The following GRIK4 variants were observed in gnomAD, a reference collection of about 807,000 sequenced individuals.
The protein encoded by GRIK4 is glutamate ionotropic receptor kainate type subunit 4.
A neutral mutation model predicts 104.9 loss-of-function variants in GRIK4; 40 were observed. The ratio of observed to expected loss-of-function variants is 0.38; its 90% CI spans 0.30 to 0.50. GRIK4 has a LOEUF of 0.50. GRIK4 is among the 20% of genes least tolerant of loss of function. GRIK4 has a pLI of 0.93. For synonymous variants in GRIK4, 485 were observed against 524.9 expected (o/e 0.92, Z 1.04); for missense variants, 1,047 against 1,308.1 (o/e 0.80, Z 3.08).
intron 1 of GRIK4, among the ~76,000 whole-genome samples, chr11:120,617,042 G>T (rs1949126321): frequency 6.6e-6 from 1 of 152,218 alleles, no homozygotes; most frequent in African/African-American, 2.4e-5. Flanking sequence ...TAGGACAGGG[G>T]TTCTCCTGGG....
At chr11:120,762,701 G>A (rs1951770994) in intron 3 of GRIK4, among the ~76,000 whole-genome samples, 1 of 152,124 alleles carries the variant, frequency 6.6e-6, no homozygotes, top group South Asian at 2.1e-4. Context: ...ATAATCATGT[G>A]GTTTTTGTCA....
At chr11:120,927,509 G>A (rs1451450573) in intron 13 of GRIK4, among the ~76,000 whole-genome samples, 1 of 141,738 alleles carries the variant, frequency 7.1e-6, no homozygotes, top group Non-Finnish European at 1.5e-5. Flanking sequence ...GGAGGTTGCA[G>A]TGAACCACAT....
chr11:120,746,529 C>T (rs1951441262), intron 3 of GRIK4, among the ~76,000 whole-genome samples: 5 of 152,156 alleles, frequency 3.3e-5, no homozygotes, highest in Admixed American at 3.3e-4. Context: ...GGGGAGGGCT[C>T]TGTGCCCTCA....
intron 8 of GRIK4, among the ~76,000 whole-genome samples, chr11:120,845,709 C>A (rs868754279): frequency 1.3e-5 from 2 of 152,000 alleles, no homozygotes; most frequent in Non-Finnish European, 2.9e-5. Context: ...ATCAGCCAGA[C>A]AACTTTCTAG....
At chr11:120,636,966 G>C (rs1430321401) in intron 1 of GRIK4, among the ~76,000 whole-genome samples, 1 of 152,210 alleles carries the variant, frequency 6.6e-6, no homozygotes, top group Admixed American at 6.5e-5. Flanking sequence ...TTCCCAGGGT[G>C]CCCCCCAGTG....
chr11:120,863,824 G>A (rs1565400296), intron 9 of GRIK4, among the ~76,000 whole-genome samples: 1 of 152,220 alleles, frequency 6.6e-6, no homozygotes, highest in Admixed American at 6.5e-5. Flanking sequence ...ACAAAACTCT[G>A]TGCTTTTATG....
intron 3 of GRIK4, among the ~76,000 whole-genome samples, chr11:120,708,512 C>T (rs1257060937): frequency 5.9e-5 from 9 of 151,550 alleles, no homozygotes; most frequent in Non-Finnish European, 1.0e-4. Flanking sequence ...CTAGCCCTGG[C>T]AGCTGGCAGG....
intron 3 of GRIK4, among the ~76,000 whole-genome samples, chr11:120,799,299 A>G (rs12278106): frequency 1.3e-5 from 2 of 152,108 alleles, no homozygotes; most frequent in Non-Finnish European, 2.9e-5. Context: ...CACCATCTCA[A>G]TGGGGTGGAG....
Position 120,549,281 on chromosome 11 carries a change from T to A in GRIK4, c.-159+37394T>A, listed in dbSNP as rs930019276. 6.6e-6 allele frequency among the ~76,000 whole-genome samples: 1 copy of A among 152,192 alleles called. No homozygotes were observed. Among genetic ancestry groups the A allele is most frequent in the South Asian group, 2.1e-4 (1 of 4,828 alleles). ...ACCTGGCTAATTTTTGTATATATTT[T>A]TTTTTAAGTAAAGTCGGGCTTTCAC... is the stretch of plus-strand genomic sequence containing the variant. On this transcript the variant is annotated intron_variant, in intron 1 of 20. Coordinates refer to ENST00000527524, the MANE Select transcript of GRIK4 (RefSeq NM_014619.5). This position sits in a 1 kb window ranked among gnomAD's most constrained non-coding sequence, Gnocchi z 4.7.
intron 3 of GRIK4, among the ~76,000 whole-genome samples, chr11:120,678,845 G>T (rs1224033926): frequency 6.6e-6 from 1 of 151,946 alleles, no homozygotes; most frequent in African/African-American, 2.4e-5. Flanking sequence ...ATCTTGGCCA[G>T]GCTGGTCTCG....
intron 3 of GRIK4, among the ~76,000 whole-genome samples, chr11:120,718,906 C>T (rs561015674): frequency 5.3e-5 from 8 of 152,266 alleles, no homozygotes; most frequent in African/African-American, 1.4e-4. Context: ...ACTGGCTAAG[C>T]CCTGTTTTTA....
intron 4 of GRIK4, among the ~76,000 whole-genome samples, chr11:120,808,135 T>C (rs1341793229): frequency 6.6e-6 from 1 of 152,126 alleles, no homozygotes; most frequent in Non-Finnish European, 1.5e-5. Flanking sequence ...TGACAGACAG[T>C]ATGGCTGAAA....
At position 120,828,212 on chromosome 11, in the gene GRIK4, C is replaced by G. The variant is rs1953319418; in HGVS notation, c.512-3640C>G. ...GTTATGCAGGGAAGTCTGAAATGGG[C>G]TCCCTACCTAACACTGAAATCATTT... is the stretch of plus-strand genomic sequence containing the variant. On this transcript the variant is annotated intron_variant, in intron 6 of 20. Coordinates refer to ENST00000527524, the MANE Select transcript of GRIK4 (RefSeq NM_014619.5). Among the ~76,000 whole-genome samples, 6 of 152,346 alleles carry G rather than the reference C, an allele frequency of 3.9e-5. 1 individual carries two copies. The South Asian group carries it at 1.2e-3, about 32-fold the overall frequency.
chr11:120,955,389 G>T (rs540498500), intron 15 of GRIK4, among the ~76,000 whole-genome samples: 35 of 152,350 alleles, frequency 2.3e-4, no homozygotes, highest in African/African-American at 8.2e-4. Context: ...GCGACAGTGG[G>T]AACACTAAGT....
At chr11:120,746,062 CAG>C (rs1399960079) in intron 3 of GRIK4, among the ~76,000 whole-genome samples, 5 of 151,184 alleles carry the variant, frequency 3.3e-5, no homozygotes, top group Non-Finnish European at 7.4e-5. Flanking sequence ...AAATACTTCA[CAG>C]AGTCACTGTG....
At chr11:120,700,376 C>A (rs773037439) in intron 3 of GRIK4, among the ~76,000 whole-genome samples, 1 of 151,134 alleles carries the variant, frequency 6.6e-6, no homozygotes, top group Admixed American at 6.6e-5. Flanking sequence ...TGGGTTCAAG[C>A]GATTCTCCTG....
At position 120,963,052 on chromosome 11, in the gene GRIK4, C is replaced by G. The variant is rs887125303; in HGVS notation, c.2266+371C>G. On this transcript the variant is annotated intron_variant, in intron 18 of 20. Coordinates refer to ENST00000527524, the MANE Select transcript of GRIK4 (RefSeq NM_014619.5). ...TGGCCATTTCTCTGTTGATTGCTAT[C>G]TCTACTAGCAGTGGGAAGAAGGATG... 1.8e-5 allele frequency: 3 copies of G among 168,940 alleles called. 1 individual carries two copies. The East Asian group carries it at 5.0e-4, about 28-fold the overall frequency. The allele number at this position is 168,940 out of a possible 1,614,324, so 10.5% of individuals were successfully genotyped here.
chr11:120,680,335 C>T (rs1324834834), intron 3 of GRIK4, among the ~76,000 whole-genome samples: 1 of 118,510 alleles, frequency 8.4e-6, no homozygotes, highest in African/African-American at 2.9e-5. Context: ...GCCCCGGCCT[C>T]CCTAAGTGCT....
At chr11:120,668,450 T>C (rs1591787865) in intron 3 of GRIK4, among the ~76,000 whole-genome samples, 2 of 152,130 alleles carry the variant, frequency 1.3e-5, no homozygotes, top group Non-Finnish European at 2.9e-5. Flanking sequence ...GAGGCTTACC[T>C]CTCTGAAACC....
Sources: allele counts gnomAD v4.1 joint callset (sites outside exome capture counted in the v4.1 genomes callset), GRCh38; gene constraint gnomAD v4.1.1; non-coding constraint Gnocchi (gnomAD v3.1); transcripts MANE v1.5; gene names NCBI Gene and HGNC (gene_info 2026-07-23, HGNC 2026-07-21).